The following ART3 variants were observed in gnomAD, a reference collection of about 807,000 sequenced individuals.
ART3 encodes ecto-ADP-ribosyltransferase 3.
Under a neutral mutation model 48.5 loss-of-function variants are expected in ART3, and 49 were observed. The ratio of observed to expected loss-of-function variants is 1.01; its 90% confidence interval spans 0.80 to 1.28. The LOEUF (loss-of-function observed/expected upper bound fraction) is 1.28, where lower values mean the gene tolerates loss of function less well. Ranked by LOEUF, ART3 falls within the 50% of genes most tolerant of loss-of-function variation. The pLI, the probability that ART3 is intolerant of heterozygous loss-of-function variation, is 0.00. For missense variants in ART3, 438 were observed against 454.3 expected (o/e 0.96, Z 0.33); for synonymous variants, 145 against 157.2 (o/e 0.92, Z 0.58).
At chr4:76,105,537 A>G in intron 10 of ART3, 3 of 1,289,192 alleles carry the variant, frequency 2.3e-6, no homozygotes, top group Non-Finnish European at 3.0e-6. Context: ...AAAATGATAC[A>G]ACTGAATGAA....
chr4:76,055,450 A>T (rs7654534), intron 1 of ART3, among the ~76,000 whole-genome samples: 19,720 of 152,264 alleles, frequency 0.13, 1,682 homozygotes, highest in East Asian at 0.39. Flanking sequence ...GTGGGCCTTT[A>T]AGAGTTTATA....
chr4:76,034,886 G>A lies in ART3; in HGVS notation c.-10+23566G>A, dbSNP rs186816745. 385 of 1,425,816 alleles carry A rather than the reference G, an allele frequency of 2.7e-4. 1 individual carries two copies. In the East Asian group the frequency reaches 8.2e-3, roughly 30 times the overall value. The allele number at this position is 1,425,816 out of a possible 1,614,324, so 88.3% of individuals were successfully genotyped here. ...TTTCCCCCAGGACATCTAAAAACAT[G>A]TAGTAAGAAGGGGAAGCTGTTACAA... On this transcript the variant is annotated intron_variant, in intron 1 of 9. Coordinates refer to the ART3 transcript ENST00000341029.
At chr4:76,076,061 G>A (rs1720995873) in intron 2 of ART3, 103 bp downstream of exon 2, 4 of 1,036,576 alleles carry the variant, frequency 3.9e-6, no homozygotes, top group South Asian at 1.6e-5. Context: ...CTGGAGTGCA[G>A]TGGCTCGATT....
intron 1 of ART3, among the ~76,000 whole-genome samples, chr4:76,068,098 G>T (rs1719921454): frequency 6.6e-6 from 1 of 152,084 alleles, no homozygotes; most frequent in African/African-American, 2.4e-5. Flanking sequence ...ATATCTGGGG[G>T]TACACAAATT....
chr4:76,063,143 T>C lies in ART3; in HGVS notation c.-9-12738T>C, dbSNP rs114207372. On this transcript the variant is annotated intron_variant, in intron 1 of 9. Coordinates refer to the ART3 transcript ENST00000341029. The stretch of plus-strand genomic sequence containing the variant: ...CTAATTTATTATTTTCATTGTTTAT[T>C]GCCTGCCTTCTTTTTCTCTACTACT... Among the ~76,000 whole-genome samples, 880 of 152,310 alleles carry C rather than the reference T, an allele frequency of 5.8e-3. 20 individuals carry two copies. Among genetic ancestry groups the C allele is most frequent in the African/African-American group, 0.02 (837 of 41,566 alleles).
intron 1 of ART3, chr4:76,023,457 C>T: frequency 6.2e-7 from 1 of 1,606,262 alleles, no homozygotes. Flanking sequence ...GGTTCCTCTG[C>T]TGTAGGCTCA....
chr4:76,052,708 T>TTTTTGC (rs1229969918), intron 1 of ART3, among the ~76,000 whole-genome samples: 7 of 100,896 alleles, frequency 6.9e-5, no homozygotes, highest in African/African-American at 2.7e-4. Flanking sequence ...ACCCAATTTC[T>TTTTTGC]TTTTTCCTTC....
intron 1 of ART3, among the ~76,000 whole-genome samples, chr4:76,012,805 C>A (rs1445338309): frequency 2.0e-5 from 3 of 152,046 alleles, no homozygotes; most frequent in Admixed American, 2.0e-4. Context: ...TGCTGACTAA[C>A]CTGGAGAAAA....
intron 2 of ART3, among the ~76,000 whole-genome samples, chr4:76,081,393 G>T (rs1722432985): frequency 6.6e-6 from 1 of 152,192 alleles, no homozygotes; most frequent in South Asian, 2.1e-4. Flanking sequence ...AAGGAAAAGG[G>T]TAATGTTTGT....
At chr4:76,029,734 A>C (rs938260120) in intron 1 of ART3, among the ~76,000 whole-genome samples, 2 of 152,230 alleles carry the variant, frequency 1.3e-5, no homozygotes, top group Non-Finnish European at 2.9e-5. Context: ...CAGTAGCCAA[A>C]AATAATTAAG....
At chr4:76,094,939 C>T (rs1240068853) in intron 3 of ART3, among the ~76,000 whole-genome samples, 1 of 152,118 alleles carries the variant, frequency 6.6e-6, no homozygotes, top group African/African-American at 2.4e-5. Context: ...GTCCATTTGC[C>T]TTTGTATTTC....
chr4:76,049,752 C>T (rs6532142), intron 1 of ART3, among the ~76,000 whole-genome samples: 89,727 of 151,718 alleles, frequency 0.59, 27,681 homozygotes, highest in East Asian at 0.94. Flanking sequence ...ATGGTCTTAC[C>T]GCTCGGCGAT....
At chr4:76,034,100 A>AT (rs1203654457) in intron 1 of ART3, 1 of 204,074 alleles carries the variant, frequency 4.9e-6, no homozygotes, top group Non-Finnish European at 9.7e-6. Context: ...ATAGCGTATA[A>AT]TTTTTTTCAT....
chr4:76,068,871 A>G (rs986332906), intron 1 of ART3, among the ~76,000 whole-genome samples: 3 of 152,202 alleles, frequency 2.0e-5, no homozygotes, highest in Admixed American at 2.0e-4. Flanking sequence ...TTAAGAAATG[A>G]GGTCTCACTG....
chr4:76,017,172 A>T (rs1250538809), intron 1 of ART3, among the ~76,000 whole-genome samples: 2 of 151,920 alleles, frequency 1.3e-5, no homozygotes, highest in East Asian at 2.0e-4. Flanking sequence ...CACAGTTGGG[A>T]ATGTGCTGGG....
chr4:76,076,743 C>T (rs910667255), intron 2 of ART3, among the ~76,000 whole-genome samples: 1 of 152,064 alleles, frequency 6.6e-6, no homozygotes, highest in Non-Finnish European at 1.5e-5. Context: ...ACCATTTTCC[C>T]ACATTTTTTT....
chr4:76,020,823 C>T (rs1578202619), intron 1 of ART3, among the ~76,000 whole-genome samples: 4 of 151,742 alleles, frequency 2.6e-5, no homozygotes, highest in Admixed American at 6.6e-5. Flanking sequence ...CACTGCACTC[C>T]GGCTTGGGTG....
At chr4:76,046,788 G>T (rs10001988) in intron 1 of ART3, among the ~76,000 whole-genome samples, 89,535 of 151,602 alleles carry the variant, frequency 0.59, 27,578 homozygotes, top group East Asian at 0.94. Context: ...TGTGAAAAGA[G>T]CAAAGTCTCT....
intron 1 of ART3, among the ~76,000 whole-genome samples, chr4:76,055,733 GC>G (rs11352867): frequency 0.59 from 89,069 of 151,982 alleles, 26,960 homozygotes; most frequent in East Asian, 0.94. Flanking sequence ...GGTGTCTAGA[GC>G]CCCATTTAAT....
Sources: allele counts gnomAD v4.1 joint callset (sites outside exome capture counted in the v4.1 genomes callset), GRCh38; gene constraint gnomAD v4.1.1; transcripts MANE v1.5; gene names NCBI Gene and HGNC (gene_info 2026-07-23, HGNC 2026-07-21).